Variants in EXD3 observed in about 807,000 individuals in gnomAD.
EXD3 encodes the protein exonuclease mut-7 homolog.
Under a neutral mutation model 98.0 loss-of-function variants are expected in EXD3, and 92 were observed. The observed-to-expected ratio is 0.94, with a 90% CI of 0.79 to 1.12. EXD3 has a LOEUF of 1.12. Ranked by LOEUF, EXD3 falls within the 50% of genes most tolerant of loss-of-function variation. EXD3 has a pLI of 0.00. For missense variants in EXD3, 1,222 were observed against 1,191.6 expected (o/e 1.03, Z -0.38); for synonymous variants, 569 against 526.0 (o/e 1.08, Z -1.12).
chr9:137,343,421 G>A (rs1227223349), intron 17 of EXD3: 1 of 103,040 alleles, frequency 9.7e-6, no homozygotes, highest in Non-Finnish European at 1.9e-5. Context: ...GGAGCAACCA[G>A]CCCATCCCAT....
chr9:137,356,263 C>A lies in EXD3; in HGVS notation c.757+5G>T, dbSNP rs746081638. 12 of 1,592,110 alleles carry A rather than the reference C, an allele frequency of 7.5e-6. No homozygotes were observed. Among genetic ancestry groups the A allele is most frequent in the Admixed American group, 5.2e-5 (3 of 57,428 alleles). On this transcript the variant is annotated splice_donor_5th_base_variant and intron_variant, in intron 8 of 21. Transcript: ENST00000340951. Reference sequence around the variant, plus strand: ...GTGGGGCAGGAATGTGGGGGCTGGACTCACCTGGGGCTACGCCGTACCGCT... The same window carrying A: ...GTGGGGCAGGAATGTGGGGGCTGGAATCACCTGGGGCTACGCCGTACCGCT...
Position 137,418,680 on chromosome 9 carries a change from A to G in EXD3, c.-48+4434T>C, listed in dbSNP as rs191086585. 8.5e-5 allele frequency among the ~76,000 whole-genome samples: 13 copies of G among 152,340 alleles called. No individual in the cohort carries two copies. In the East Asian group the frequency reaches 2.5e-3, roughly 29 times the overall value. Reference sequence around the variant, plus strand: ...AGAAACAATTCTGTACGTGAGATGTATAAGAAAAGCAGAGTTTGTTTTTCT... The same window carrying G: ...AGAAACAATTCTGTACGTGAGATGTGTAAGAAAAGCAGAGTTTGTTTTTCT... On this transcript the variant is annotated intron_variant, in intron 1 of 21. Coordinates refer to ENST00000340951, the MANE Select transcript of EXD3 (RefSeq NM_017820.5).
intron 17 of EXD3, among the ~76,000 whole-genome samples, chr9:137,340,277 G>A (rs1833576147): frequency 6.6e-6 from 1 of 152,070 alleles, no homozygotes; most frequent in South Asian, 2.1e-4. Flanking sequence ...AGGAGTTCAA[G>A]GTCAGCCTGG....
intron 2 of EXD3, among the ~76,000 whole-genome samples, chr9:137,389,044 T>C (rs1167743526): frequency 6.6e-6 from 1 of 152,106 alleles, no homozygotes; most frequent in Non-Finnish European, 1.5e-5. Context: ...CACCACGCAC[T>C]GGGGCCTCCG....
intron 1 of EXD3, among the ~76,000 whole-genome samples, chr9:137,411,789 C>T (rs544374706): frequency 2.6e-5 from 4 of 151,790 alleles, no homozygotes; most frequent in Admixed American, 1.3e-4. Context: ...CCTGTGGCCG[C>T]GGTGCACAAT....
At chr9:137,389,573 G>C (rs1453200431) in intron 2 of EXD3, among the ~76,000 whole-genome samples, 2 of 152,192 alleles carry the variant, frequency 1.3e-5, no homozygotes, top group Non-Finnish European at 2.9e-5. Context: ...GGAAAGGGCG[G>C]TACCAGCTCA....
intron 17 of EXD3, among the ~76,000 whole-genome samples, chr9:137,329,295 G>C (rs139499366): frequency 0.065 from 452 of 6,924 alleles, 135 homozygotes; most frequent in Admixed American, 0.2. Context: ...CGGGGCTACA[G>C]GGGGCTACAC....
rs564222868 is a variant in EXD3 at position 137,337,576 on chromosome 9, G to A, written c.1998+10495C>T. ...TGAGGCAGGAGAATTGCTTGAACCC[G>A]GGAGGCGGAGCTTGCAGTGAGCCGA... On this transcript the variant is annotated intron_variant, in intron 17 of 21. Transcript: ENST00000340951. Among the ~76,000 whole-genome samples the A allele has an allele frequency of 7.2e-5, 11 of 151,830 alleles. No individual in the cohort carries two copies. The East Asian group carries it at 1.8e-3, about 24-fold the overall frequency.
At chr9:137,307,341 T>G in intron 21 of EXD3, 78 bp from the exon 22 acceptor site, 1 of 1,436,482 alleles carries the variant, frequency 7.0e-7, no homozygotes, top group Non-Finnish European at 9.1e-7. Context: ...GTGGTGCAGT[T>G]GGCGGCCCAC....
At chr9:137,334,288 C>T (rs975110372) in intron 17 of EXD3, among the ~76,000 whole-genome samples, 4 of 152,218 alleles carry the variant, frequency 2.6e-5, no homozygotes, top group Non-Finnish European at 5.9e-5. Context: ...AGGCGTGAGC[C>T]ACTGCACCTG....
chr9:137,343,004 C>T (rs1237698008), intron 17 of EXD3, among the ~76,000 whole-genome samples: 2 of 152,200 alleles, frequency 1.3e-5, no homozygotes, highest in Non-Finnish European at 2.9e-5. Context: ...CCTGTAATCC[C>T]AGCTACTGGG....
chr9:137,337,263 A>G (rs1219747258), intron 17 of EXD3, among the ~76,000 whole-genome samples: 1 of 152,204 alleles, frequency 6.6e-6, no homozygotes, highest in African/African-American at 2.4e-5. Context: ...TAAGGCAAAC[A>G]CTGACGTAAC....
intron 5 of EXD3, among the ~76,000 whole-genome samples, chr9:137,372,653 C>T (rs541346679): frequency 1.1e-4 from 16 of 152,310 alleles, no homozygotes; most frequent in Admixed American, 6.5e-4. Flanking sequence ...GACACAGGGT[C>T]GGCAGGGGGA....
rs1443854724 is a variant in EXD3, at chr9:137,407,369, C to T, written c.-47-11965G>A. Among the ~76,000 whole-genome samples the T allele has an allele frequency of 6.6e-6, 1 of 152,224 alleles. No individual in the cohort carries two copies. The highest frequency in any genetic ancestry group is 2.4e-5 in the African/African-American group (1 of 41,452). ...TAAATACCGCAGAGGTGACTGCTCC[C>T]CCGCGAAGCCCACCCACCTGAGGTC... On this transcript the variant is annotated intron_variant, in intron 1 of 21. Coordinates refer to ENST00000340951, the MANE Select transcript of EXD3 (RefSeq NM_017820.5). The surrounding 1 kb of genome is among the most constrained non-coding windows in gnomAD (Gnocchi z 4.4).
intron 19 of EXD3, among the ~76,000 whole-genome samples, chr9:137,322,107 C>T (rs1588241075): frequency 6.6e-6 from 1 of 152,200 alleles, no homozygotes; most frequent in African/African-American, 2.4e-5. Context: ...CTCAGGGCTT[C>T]TGTTGCCCAG....
intron 2 of EXD3, among the ~76,000 whole-genome samples, chr9:137,391,585 C>T (rs146883454): frequency 6.0e-5 from 9 of 150,538 alleles, no homozygotes; most frequent in Admixed American, 2.6e-4. Context: ...CACCGCCCGC[C>T]GGCCCTGGTG....
intron 12 of EXD3, 125 bp from the exon 13 acceptor site, chr9:137,351,653 G>C: frequency 1.2e-6 from 1 of 869,318 alleles, no homozygotes. Context: ...ACCCCTGCAT[G>C]TTTATAGGGC....
At chr9:137,389,715 C>CAGAG (rs1836791455) in intron 2 of EXD3, among the ~76,000 whole-genome samples, 2 of 152,256 alleles carry the variant, frequency 1.3e-5, no homozygotes, top group South Asian at 4.1e-4. Context: ...TGGATGCATG[C>CAGAG]AGAGAGGGAC....
intron 1 of EXD3, among the ~76,000 whole-genome samples, chr9:137,396,422 G>T (rs1837219668): frequency 6.6e-6 from 1 of 152,166 alleles, no homozygotes; most frequent in Non-Finnish European, 1.5e-5. Context: ...CTCAGCATGT[G>T]AACTCCGAAT....
Sources: gnomAD v4.1 joint callset for allele counts (sites outside exome capture counted in the v4.1 genomes callset) on GRCh38, gnomAD v4.1.1 for gene constraint, Gnocchi (gnomAD v3.1) non-coding constraint, MANE v1.5 for transcripts, NCBI Gene and HGNC (gene_info 2026-07-23, HGNC 2026-07-21) for gene names.